RYR1: variants seen among roughly 807,000 people sequenced by gnomAD.
RYR1 encodes the protein ryanodine receptor 1.
A neutral mutation model predicts 583.5 loss-of-function variants in RYR1; 342 were observed. The ratio of observed to expected loss-of-function variants is 0.59; its 90% CI spans 0.54 to 0.64. The LOEUF is 0.64. Ranked by LOEUF, RYR1 falls within the 30% of genes least tolerant of loss-of-function variation. The probability of loss-of-function intolerance (pLI) is 0.00; values close to 1 mark genes in which losing one functional copy is unlikely to be tolerated. For missense variants in RYR1, 6,032 were observed against 6,917.2 expected (o/e 0.87, Z 4.54); for synonymous variants, 2,791 against 2,822.5 (o/e 0.99, Z 0.35).
At chr19:38,514,979 C>T (rs1970892147) in intron 63 of RYR1, 47 bp from the exon 64 acceptor site, 3 of 1,384,232 alleles carry the variant, frequency 2.2e-6, no homozygotes, top group Non-Finnish European at 3.1e-6. Context: ...GTGGGGAGGG[C>T]TTGTCTTGTG....
intron 39 of RYR1, 145 bp downstream of exon 39, chr19:38,494,770 T>C (rs1969731484): frequency 2.0e-6 from 2 of 1,000,414 alleles, no homozygotes; most frequent in South Asian, 2.9e-5. Context: ...TCCTGGGTAA[T>C]GTCTCCTTCC....
At chr19:38,451,301 G>A (rs978701466) in intron 11 of RYR1, among the ~76,000 whole-genome samples, 1 of 152,198 alleles carries the variant, frequency 6.6e-6, no homozygotes, top group African/African-American at 2.4e-5. Context: ...TGGGGAGGTC[G>A]GCTTGGGGTG....
intron 30 of RYR1, among the ~76,000 whole-genome samples, chr19:38,478,101 C>T (rs1272512063): frequency 6.7e-6 from 1 of 150,316 alleles, no homozygotes; most frequent in African/African-American, 2.5e-5. Flanking sequence ...TTATGCATTT[C>T]TCCTATTCCA....
rs1257076824 is a variant in RYR1, at chr19:38,469,424, G to A, written c.3676G>A (p.Ala1226Thr). ...CCTCCAGGAAGGCTTCGAGCCATTT[G>A]CCATCAACATGCAGCGCCCAGTCAC... is the stretch of plus-strand genomic sequence containing the variant. ...CGLQEGFEPF[A>T]INMQRPVTTW... Residue 1226 changes from alanine (A) to threonine (T), a missense_variant, in exon 27 of 106, where the codon GCC (alanine) becomes ACC (threonine). Transcript: ENST00000359596. 1 of 1,614,108 alleles carries A rather than the reference G, an allele frequency of 6.2e-7. No individual in the cohort carries two copies. The highest frequency in any genetic ancestry group is 8.5e-7 in the Non-Finnish European group (1 of 1,180,038).
At chr19:38,509,910 T>C (rs1568518343) in intron 58 of RYR1, among the ~76,000 whole-genome samples, 1 of 152,216 alleles carries the variant, frequency 6.6e-6, no homozygotes, top group Non-Finnish European at 1.5e-5. Context: ...CTCAGTGCCA[T>C]GTATTCAAGT....
In RYR1 at chr19:38,570,587, CTT is replaced by C; in HGVS notation, c.13660-16_13660-15del. The C allele has an allele frequency of 6.2e-7, 1 of 1,602,406 alleles. No individual in the cohort carries two copies. On this transcript the variant is annotated intron_variant, in intron 93 of 105. Transcript: ENST00000359596. ...AGGCTGATCTGTGAGCGCTTTCTCT[CTT>C]TTTCTCTTCTCTCTCAGAACTACCT...
At chr19:38,505,654 G>A (rs1196586849) in intron 53 of RYR1, 152 bp from the exon 54 acceptor site, 11 of 970,230 alleles carry the variant, frequency 1.1e-5, no homozygotes, top group Non-Finnish European at 1.7e-5. Context: ...TTGGGTTTGG[G>A]AGGCTCTGTT....
At position 38,580,131 on chromosome 19, in the gene RYR1, G is replaced by A. The variant is rs775443082; in HGVS notation, c.14511+3G>A. On this transcript the variant is annotated splice_donor_region_variant and intron_variant, in intron 100 of 105. Coordinates refer to ENST00000359596, the MANE Select transcript of RYR1 (RefSeq NM_000540.3). ...CTGTCACCCACAATGGGAAACAGGT[G>A]TGGGGAGGACCTGGCTGTGGGGCGT... is the stretch of plus-strand genomic sequence containing the variant. 1.9e-5 allele frequency: 30 copies of A among 1,614,192 alleles called. No individual in the cohort carries two copies. The South Asian group carries it at 2.7e-4, about 15-fold the overall frequency.
In RYR1 at chr19:38,485,979, A is replaced by G. The variant is rs773415438; in HGVS notation, c.5324A>G (p.His1775Arg). Reference sequence around the variant, plus strand: ...GTCACCACTTCGCTGAGGCCCCCGCATCATTTCTCGCCCCCCTGTTTCGTG... The same window carrying G: ...GTCACCACTTCGCTGAGGCCCCCGCGTCATTTCTCGCCCCCCTGTTTCGTG... Reference protein sequence around the residue: ...VGVTTSLRPPHHFSPPCFVAA... With the variant: ...VGVTTSLRPPRHFSPPCFVAA... Residue 1775 changes from histidine to arginine, a missense_variant, in exon 34 of 106, where the codon CAT (histidine) becomes CGT (arginine). Coordinates refer to ENST00000359596, the MANE Select transcript of RYR1 (RefSeq NM_000540.3). 6.2e-7 allele frequency: 1 copy of G among 1,613,560 alleles called. No homozygotes were observed. Among genetic ancestry groups the G allele is most frequent in the South Asian group, 1.1e-5 (1 of 91,078 alleles).
chr19:38,466,167 C>T lies in RYR1; in HGVS notation c.2947C>T (p.Leu983=), dbSNP rs1338831425. ...HVRLTPAQTT[L]VDRLAENGHN... Reference sequence around the variant, plus strand: ...GCGGCTGACGCCGGCGCAGACGACACTGGTGGACCGTCTGGCAGAAAATGG... The same window carrying T: ...GCGGCTGACGCCGGCGCAGACGACATTGGTGGACCGTCTGGCAGAAAATGG... Residue 983 remains leucine (L), a synonymous_variant, in exon 24 of 106, where the codon CTG becomes TTG. Transcript: ENST00000359596. The T allele has an allele frequency of 1.2e-6, 2 of 1,613,582 alleles. No homozygotes were observed. The highest frequency in any genetic ancestry group is 2.2e-5 in the South Asian group (2 of 91,066).
At position 38,466,149 on chromosome 19, in the gene RYR1, A is replaced by G. The variant is rs1189595952; in HGVS notation, c.2929A>G (p.Thr977Ala). The G allele has an allele frequency of 6.2e-7, 1 of 1,613,298 alleles. No homozygotes were observed. Among genetic ancestry groups the G allele is most frequent in the Non-Finnish European group, 8.5e-7 (1 of 1,179,882 alleles). Residue 977 changes from threonine to alanine, a missense_variant, in exon 24 of 106, where the codon ACG (threonine) becomes GCG (alanine). Physicochemically the swap from Thr to Ala is moderately conservative, Grantham distance 58 (BLOSUM62 0). Coordinates refer to ENST00000359596, the MANE Select transcript of RYR1 (RefSeq NM_000540.3). ...APLDLSHVRL[T>A]PAQTTLVDRL... ...GCTGGACCTGAGCCACGTGCGGCTG[A>G]CGCCGGCGCAGACGACACTGGTGGA...
intron 89 of RYR1, among the ~76,000 whole-genome samples, chr19:38,549,664 A>G (rs1312354952): frequency 7.0e-6 from 1 of 142,970 alleles, no homozygotes; most frequent in Non-Finnish European, 1.5e-5. Flanking sequence ...TTTTCTATTT[A>G]CTATTTACTC....
chr19:38,539,609 C>T (rs1972118947), intron 84 of RYR1, among the ~76,000 whole-genome samples: 1 of 152,030 alleles, frequency 6.6e-6, no homozygotes, highest in Non-Finnish European at 1.5e-5. Flanking sequence ...AAATTTTATT[C>T]CTCAGGAATA....
At chr19:38,472,739 G>C (rs191117274) in intron 27 of RYR1, among the ~76,000 whole-genome samples, 1 of 151,180 alleles carries the variant, frequency 6.6e-6, no homozygotes, top group Non-Finnish European at 1.5e-5. Flanking sequence ...TTAGCCAGGC[G>C]TGTTGGCTCA....
intron 7 of RYR1, 60 bp from the exon 8 acceptor site, chr19:38,446,412 G>A (rs1482623282): frequency 6.8e-6 from 9 of 1,314,966 alleles, no homozygotes; most frequent in Admixed American, 1.7e-5. Flanking sequence ...CTTCATCTTG[G>A]CTCCTGGTCT....
intron 70 of RYR1, among the ~76,000 whole-genome samples, chr19:38,524,615 G>C (rs891042323): frequency 5.9e-5 from 9 of 152,240 alleles, no homozygotes; most frequent in African/African-American, 2.2e-4. Context: ...CCCCGGGTCT[G>C]CACCCAAGGC....
intron 89 of RYR1, among the ~76,000 whole-genome samples, chr19:38,549,875 T>TGTGTGTGTG (rs1972589062): frequency 8.2e-6 from 1 of 122,188 alleles, no homozygotes; most frequent in Non-Finnish European, 1.7e-5. Context: ...CCAGCTAAAT[T>TGTGTGTGTG]TGTGTGTGTG....
rs1337698501 is a variant in RYR1 at position 38,519,705 on chromosome 19, G to A, written c.10259+251G>A. On this transcript the variant is annotated intron_variant, in intron 67 of 105. Transcript: ENST00000359596. The stretch of plus-strand genomic sequence containing the variant: ...GTTTGTTTTTGTTTTTGGAGACAGA[G>A]CCTCGCTTTATTGCCCAGGCTGGAA... 3.3e-5 allele frequency among the ~76,000 whole-genome samples: 5 copies of A among 152,156 alleles called. No homozygotes were observed. In the East Asian group the frequency reaches 7.7e-4, roughly 23 times the overall value.
At position 38,505,981 on chromosome 19, in the gene RYR1, GAT is replaced by G; in HGVS notation, c.8541+36_8541+37del. The stretch of plus-strand genomic sequence containing the variant: ...GGGCCTGGGTGGAGGGCAGGGGCAC[GAT>G]GGGGGGAGGGTCTAGAACAAGGGGC... On this transcript the variant is annotated intron_variant, in intron 54 of 105. Coordinates refer to ENST00000359596, the MANE Select transcript of RYR1 (RefSeq NM_000540.3). 1.7e-5 allele frequency: 27 copies of G among 1,596,200 alleles called. 1 individual carries two copies. The highest frequency in any genetic ancestry group is 2.2e-5 in the East Asian group (1 of 44,690).
Sources: allele counts gnomAD v4.1 joint callset (sites outside exome capture counted in the v4.1 genomes callset), GRCh38; gene constraint gnomAD v4.1.1; transcripts MANE v1.5; gene names NCBI Gene and HGNC (gene_info 2026-07-23, HGNC 2026-07-21).